The following RPS6KC1 variants were observed in gnomAD, a reference collection of about 807,000 sequenced individuals.
The protein encoded by RPS6KC1 is ribosomal protein S6 kinase C1, also known as inactive ribosomal protein S6 kinase delta-1.
A neutral mutation model predicts 103.8 loss-of-function variants in RPS6KC1; 54 were observed. The ratio of observed to expected loss-of-function variants is 0.52; its 90% CI spans 0.42 to 0.65. The LOEUF (loss-of-function observed/expected upper bound fraction) is 0.65. Ranked by LOEUF, RPS6KC1 falls within the 30% of genes least tolerant of loss-of-function variation. The pLI is 0.00. For synonymous variants in RPS6KC1, 439 were observed against 438.7 expected, an observed-to-expected ratio of 1.00 and a Z score of -0.01; for missense variants, 1,151 against 1,253.8, an observed-to-expected ratio of 0.92 and a Z score of 1.24.
At chr1:213,748,474 C>T in the RPS6KC1 span, among the ~76,000 whole-genome samples, 1 of 152,184 alleles carries the variant, frequency 6.6e-6, no homozygotes, top group Non-Finnish European at 1.5e-5. Context: ...GTGAATTACT[C>T]ATGGTTCTCT....
the RPS6KC1 span, among the ~76,000 whole-genome samples, chr1:213,796,481 T>C: frequency 6.6e-6 from 1 of 152,132 alleles, no homozygotes; most frequent in Non-Finnish European, 1.5e-5. Context: ...TGAGGACTCA[T>C]CCCGAAGAAG....
At chr1:213,419,653 CAG>C in the RPS6KC1 span, among the ~76,000 whole-genome samples, 1 of 152,184 alleles carries the variant, frequency 6.6e-6, no homozygotes, top group South Asian at 2.1e-4. Flanking sequence ...ATGCCCTACT[CAG>C]GGGTCAGGGG....
At chr1:213,212,714 GT>G (rs1263483721) in intron 8 of RPS6KC1, among the ~76,000 whole-genome samples, 1 of 152,204 alleles carries the variant, frequency 6.6e-6, no homozygotes, top group Admixed American at 6.5e-5. Context: ...ATGAATGAAA[GT>G]TTCTGTTGCT....
At chr1:213,818,425 G>T in the RPS6KC1 span, 1 of 152,274 alleles carries the variant, frequency 6.6e-6, no homozygotes, top group Non-Finnish European at 1.5e-5. Context: ...TTGCTGATAG[G>T]GAGAAAGTGT....
the RPS6KC1 span, among the ~76,000 whole-genome samples, chr1:213,830,267 A>T: frequency 3.3e-5 from 5 of 152,252 alleles, no homozygotes; most frequent in African/African-American, 1.2e-4. Context: ...CTCATCATAA[A>T]GAAAAAACAT....
chr1:213,825,888 C>T, the RPS6KC1 span, among the ~76,000 whole-genome samples: 1 of 152,204 alleles, frequency 6.6e-6, no homozygotes, highest in African/African-American at 2.4e-5. Context: ...AAGTCTCCCA[C>T]ATAACCTAGT....
chr1:213,843,053 C>G, the RPS6KC1 span, among the ~76,000 whole-genome samples: 1 of 152,188 alleles, frequency 6.6e-6, no homozygotes. Context: ...GTTGTTATTG[C>G]AGTCTTGAGT....
At chr1:213,425,955 G>C in the RPS6KC1 span, among the ~76,000 whole-genome samples, 1 of 152,190 alleles carries the variant, frequency 6.6e-6, no homozygotes, top group Non-Finnish European at 1.5e-5. Flanking sequence ...ATGTCCCCGA[G>C]TTTGGCAGGT....
the RPS6KC1 span, among the ~76,000 whole-genome samples, chr1:213,810,141 G>C: frequency 6.6e-6 from 1 of 152,194 alleles, no homozygotes; most frequent in Non-Finnish European, 1.5e-5. Context: ...TTGCAATAAT[G>C]TGGAATCAGG....
At chr1:213,490,455 ACT>A in the RPS6KC1 span, among the ~76,000 whole-genome samples, 1 of 151,930 alleles carries the variant, frequency 6.6e-6, no homozygotes, top group East Asian at 1.9e-4. Flanking sequence ...TTCCCTCTTG[ACT>A]CTGTATGAGG....
the RPS6KC1 span, among the ~76,000 whole-genome samples, chr1:213,383,371 G>A: frequency 2.0e-5 from 3 of 152,220 alleles, no homozygotes; most frequent in African/African-American, 7.2e-5. Flanking sequence ...GATCTCCACA[G>A]CCCTCGAGGG....
chr1:213,164,189 A>G (rs910690555), intron 6 of RPS6KC1, among the ~76,000 whole-genome samples: 2 of 152,226 alleles, frequency 1.3e-5, no homozygotes, highest in African/African-American at 4.8e-5. Flanking sequence ...TATAAATAGA[A>G]TATGGTATAA....
chr1:213,061,347 A>T (rs1477472509), intron 1 of RPS6KC1, among the ~76,000 whole-genome samples: 2 of 152,234 alleles, frequency 1.3e-5, no homozygotes, highest in Non-Finnish European at 2.9e-5. Flanking sequence ...CCAGAGAACT[A>T]AAAATTATAA....
intron 10 of RPS6KC1, among the ~76,000 whole-genome samples, chr1:213,232,969 C>T (rs184844985): frequency 1.2e-3 from 180 of 151,690 alleles, no homozygotes; most frequent in African/African-American, 3.2e-3. Context: ...AAGAGGTGTT[C>T]GTAAAATAGT....
chr1:213,737,965 A>T, the RPS6KC1 span, among the ~76,000 whole-genome samples: 1 of 152,174 alleles, frequency 6.6e-6, no homozygotes, highest in Admixed American at 6.5e-5. Flanking sequence ...CCCCAAACTG[A>T]GCCTGGGGTG....
the RPS6KC1 span, among the ~76,000 whole-genome samples, chr1:213,678,817 C>T: frequency 6.7e-4 from 102 of 152,270 alleles, no homozygotes; most frequent in South Asian, 1.9e-3. Context: ...ACTAAACTAA[C>T]GAATTTCTGG....
chr1:213,068,507 AAAG>A (rs1434349814), intron 1 of RPS6KC1, among the ~76,000 whole-genome samples: 3 of 150,888 alleles, frequency 2.0e-5, no homozygotes, highest in African/African-American at 7.3e-5. Flanking sequence ...AAAAAAAAAA[AAAG>A]AAACACTTAT....
intron 6 of RPS6KC1, among the ~76,000 whole-genome samples, chr1:213,130,978 C>T (rs1210107572): frequency 6.6e-6 from 1 of 151,718 alleles, no homozygotes; most frequent in Non-Finnish European, 1.5e-5. Flanking sequence ...GTTGCTGTTA[C>T]CTTCTCAGTT....
chr1:213,399,597 G>T, the RPS6KC1 span, among the ~76,000 whole-genome samples: 1 of 152,066 alleles, frequency 6.6e-6, no homozygotes, highest in Admixed American at 6.6e-5. Flanking sequence ...CTTCTTAAAA[G>T]ATATCCAGAC....
Sources: gnomAD v4.1 joint callset for allele counts (sites outside exome capture counted in the v4.1 genomes callset) on GRCh38, gnomAD v4.1.1 for gene constraint, MANE v1.5 for transcripts, NCBI Gene and HGNC (gene_info 2026-07-23, HGNC 2026-07-21) for gene names.